ADK: variants seen among roughly 807,000 people sequenced by gnomAD.
ADK encodes the protein N6,N6-dimethyladenosine kinase.
In ADK, 24 loss-of-function variants were observed where a neutral mutation model predicts 44.7. The observed-to-expected ratio is 0.54, with a 90% CI of 0.39 to 0.76. The LOEUF is 0.76. ADK is among the 30% of genes least tolerant of loss of function. ADK has a pLI of 0.00. For missense variants in ADK, 321 were observed against 425.1 expected, an observed-to-expected ratio of 0.76 and a Z score of 2.15; for synonymous variants, 128 against 142.6, an observed-to-expected ratio of 0.90 and a Z score of 0.73.
At position 74,151,265 on chromosome 10, in the gene ADK, GTGGGAGCGCGAAGA is replaced by G. The variant is rs1347525545; in HGVS notation, c.-10_4del. ...AGGTGGGCTGTAGAGCCAAAGTGGG[GTGGGAGCGCGAAGA>G]TGGCAGCTGCTGAGGAGGAGCCGAA... is the stretch of plus-strand genomic sequence containing the variant. On this transcript the variant is annotated start_lost and 5_prime_UTR_variant, in exon 1 of 11. Transcript: ENST00000539909. The G allele has an allele frequency of 5.2e-6, 8 of 1,549,676 alleles. No homozygotes were observed. Among genetic ancestry groups the G allele is most frequent in the Non-Finnish European group, 5.2e-6 (6 of 1,146,864 alleles).
At chr10:74,232,637 T>A (rs1322149478) in intron 3 of ADK, among the ~76,000 whole-genome samples, 1 of 144,802 alleles carries the variant, frequency 6.9e-6, no homozygotes, top group Non-Finnish European at 1.5e-5. Flanking sequence ...AAAAAAAATT[T>A]TTTTTTGAGA....
chr10:74,369,755 C>T (rs752411664), intron 4 of ADK, among the ~76,000 whole-genome samples: 1 of 152,142 alleles, frequency 6.6e-6, no homozygotes, highest in Non-Finnish European at 1.5e-5. Context: ...ACTTTCACTA[C>T]TTCTGTTCGA....
chr10:74,228,551 G>A (rs1337169928), intron 3 of ADK, among the ~76,000 whole-genome samples: 3 of 152,068 alleles, frequency 2.0e-5, no homozygotes, highest in African/African-American at 7.2e-5. Context: ...AAGATAGTGT[G>A]CAGCTTTTTA....
chr10:74,459,906 T>C (rs1379873496), intron 6 of ADK, among the ~76,000 whole-genome samples: 1 of 152,142 alleles, frequency 6.6e-6, no homozygotes, highest in Non-Finnish European at 1.5e-5. Flanking sequence ...AAGAAAAAAG[T>C]ATCCAAATGT....
rs1176267365 is a variant in ADK, at chr10:74,499,665, G to A, written c.556-25591G>A. On this transcript the variant is annotated intron_variant, in intron 6 of 10. Transcript: ENST00000539909. ...ATCGCGCCACTGCACTCCAGCCTGG[G>A]CGACAGAGCGAGACTCCATCTCAAA... Among the ~76,000 whole-genome samples the A allele has an allele frequency of 7.9e-5, 12 of 152,006 alleles. No individual in the cohort carries two copies. The South Asian group carries it at 1.3e-3, about 16-fold the overall frequency.
At chr10:74,629,838 T>C (rs1009968697) in intron 9 of ADK, among the ~76,000 whole-genome samples, 4 of 152,134 alleles carry the variant, frequency 2.6e-5, no homozygotes, top group Non-Finnish European at 5.9e-5. Flanking sequence ...ACCTTAGATA[T>C]CAGCTGGTAC....
At chr10:74,575,450 A>G (rs1407101881) in intron 7 of ADK, among the ~76,000 whole-genome samples, 1 of 152,212 alleles carries the variant, frequency 6.6e-6, no homozygotes, top group African/African-American at 2.4e-5. Context: ...TGAACAATTC[A>G]AGAAGACTTC....
intron 6 of ADK, among the ~76,000 whole-genome samples, chr10:74,485,724 A>G (rs1223670083): frequency 2.0e-5 from 3 of 152,146 alleles, no homozygotes; most frequent in African/African-American, 7.2e-5. Context: ...TTAGTCTAAT[A>G]AACTATGAAC....
At chr10:74,291,491 A>G (rs573340983) in intron 3 of ADK, among the ~76,000 whole-genome samples, 5 of 152,288 alleles carry the variant, frequency 3.3e-5, no homozygotes, top group African/African-American at 1.2e-4. Context: ...AGCATTTTCT[A>G]CCAAAACATT....
intron 9 of ADK, among the ~76,000 whole-genome samples, chr10:74,632,324 T>C (rs1853469051): frequency 1.3e-5 from 2 of 152,232 alleles, no homozygotes; most frequent in Non-Finnish European, 2.9e-5. Context: ...TTCTATTGCA[T>C]GGTTTATTCA....
chr10:74,305,927 G>A (rs191951513), intron 3 of ADK, among the ~76,000 whole-genome samples: 1 of 152,134 alleles, frequency 6.6e-6, no homozygotes, highest in African/African-American at 2.4e-5. Flanking sequence ...GTCTCACTAT[G>A]TTGCCCAGGC....
In ADK at chr10:74,476,492, CA is replaced by C. The variant is rs980267189; in HGVS notation, c.556-48750del. ...GCGTAACAAGAGCAAAACTCCATCTCAAAAAAAAAAAAAATTGCTGAATCAT... is the reference window on the plus strand; with the variant it reads ...GCGTAACAAGAGCAAAACTCCATCTCAAAAAAAAAAAAATTGCTGAATCAT... On this transcript the variant is annotated intron_variant, in intron 6 of 10. Transcript: ENST00000539909. Among the ~76,000 whole-genome samples the C allele has an allele frequency of 6.2e-3, 812 of 131,688 alleles. 4 individuals are homozygous for C. Among genetic ancestry groups the C allele is most frequent in the Middle Eastern group, 7.7e-3 (2 of 260 alleles). The allele number at this position is 131,688 out of a possible 152,430, so 86.4% of individuals were successfully genotyped here. A position where few individuals can be genotyped will look rare whatever the true frequency, so the allele number is the denominator to read the frequency against.
At chr10:74,311,581 A>G (rs1840434756) in intron 3 of ADK, among the ~76,000 whole-genome samples, 2 of 152,250 alleles carry the variant, frequency 1.3e-5, no homozygotes, top group Admixed American at 1.3e-4. Flanking sequence ...TGTTTAATTT[A>G]TTAAAAACAC....
chr10:74,276,928 T>C (rs1449582266), intron 3 of ADK, among the ~76,000 whole-genome samples: 1 of 152,196 alleles, frequency 6.6e-6, no homozygotes, highest in Non-Finnish European at 1.5e-5. Flanking sequence ...AAATATCTTT[T>C]TTTTTTTGAG....
intron 10 of ADK, among the ~76,000 whole-genome samples, chr10:74,688,622 A>G (rs564892407): frequency 1.1e-4 from 16 of 152,202 alleles, no homozygotes; most frequent in Non-Finnish European, 2.4e-4. Context: ...GTTTAAGAGT[A>G]ACCCACGCTA....
Position 74,470,404 on chromosome 10 carries a change from G to A in ADK, c.556-54852G>A, listed in dbSNP as rs190383553. On this transcript the variant is annotated intron_variant, in intron 6 of 10. Transcript: ENST00000539909. The stretch of plus-strand genomic sequence containing the variant: ...TTGCTATTTTGAATAATTCTGCGAT[G>A]AATATGGGTGTGCAAATATCTCATC... Among the ~76,000 whole-genome samples, 290 of 152,044 alleles carry A rather than the reference G, an allele frequency of 1.9e-3. 4 individuals are homozygous for A. Among genetic ancestry groups the A allele is most frequent in the Non-Finnish European group, 2.3e-3 (159 of 67,976 alleles).
chr10:74,695,061 G>A (rs904781200), intron 10 of ADK, among the ~76,000 whole-genome samples: 1 of 151,816 alleles, frequency 6.6e-6, no homozygotes, highest in African/African-American at 2.4e-5. Flanking sequence ...ATTTGCAATG[G>A]CAACTCTGTT....
chr10:74,486,221 G>GCTCT (rs112076951), intron 6 of ADK, among the ~76,000 whole-genome samples: 1 of 149,888 alleles, frequency 6.7e-6, no homozygotes, highest in African/African-American at 2.4e-5. Flanking sequence ...ACACTTGCAC[G>GCTCT]CTCTCTCTCT....
intron 6 of ADK, among the ~76,000 whole-genome samples, chr10:74,414,398 G>T (rs1844294085): frequency 6.6e-6 from 1 of 152,166 alleles, no homozygotes; most frequent in African/African-American, 2.4e-5. Context: ...TTCCACCTTA[G>T]TAGGGAGAAT....
Sources: allele counts gnomAD v4.1 joint callset (sites outside exome capture counted in the v4.1 genomes callset), GRCh38; gene constraint gnomAD v4.1.1; transcripts MANE v1.5; gene names NCBI Gene and HGNC (gene_info 2026-07-23, HGNC 2026-07-21).